TRIB1: variants seen among roughly 807,000 people sequenced by gnomAD.
TRIB1 encodes the protein tribbles homolog 1.
TRIB1 carries 12 observed loss-of-function variants against 27.8 expected under a neutral mutation model. The ratio of observed to expected loss-of-function variants is 0.43; its 90% CI spans 0.28 to 0.70. TRIB1 has a LOEUF of 0.70. TRIB1 is among the 30% of genes least tolerant of loss of function. The pLI, the probability that TRIB1 is intolerant of heterozygous loss-of-function variation, is 0.18. For synonymous variants in TRIB1, 230 were observed against 224.9 expected (o/e 1.02, Z -0.20); for missense variants, 475 against 515.8 (o/e 0.92, Z 0.77).
rs1814744285 is a variant in TRIB1, at chr8:125,436,164, G to A, written c.812G>A (p.Gly271Glu). 2 of 1,613,824 alleles carry A rather than the reference G, an allele frequency of 1.2e-6. No homozygotes were observed. ...AAGGCTGCGGACGTTTGGAGCCTGG[G>A]GGTGATGCTCTACACCCTTCTGGTT... ...SGKAADVWSL[G>E]VMLYTLLVGR... The change falls in exon 3 of 3, where the codon GGG becomes GAG. Residue 271 changes from glycine (G) to glutamate (E), a missense_variant. Physicochemically the swap from Gly to Glu is moderately conservative, Grantham distance 98. Coordinates refer to ENST00000311922, the MANE Select transcript of TRIB1 (RefSeq NM_025195.4).
intron 2 of TRIB1, among the ~76,000 whole-genome samples, chr8:125,434,661 T>G (rs1814718729): frequency 6.6e-6 from 1 of 152,214 alleles, no homozygotes; most frequent in African/African-American, 2.4e-5. Context: ...TACTAGCTTT[T>G]GAAATCTGCA....
In TRIB1 at chr8:125,430,371, GTCAC is replaced by G. The variant is rs1814631693; in HGVS notation, c.-529_-526del. 6.5e-6 allele frequency: 1 copy of G among 153,152 alleles called. No homozygotes were observed. The highest frequency in any genetic ancestry group is 6.5e-5 in the Admixed American group (1 of 15,284). 9.5% of individuals were successfully genotyped at this position (153,152 alleles called of 1,614,324 possible). A position where few individuals can be genotyped will look rare whatever the true frequency, so the allele number is the denominator to read the frequency against. On this transcript the variant is annotated 5_prime_UTR_variant, in exon 1 of 3. Transcript: ENST00000311922. Reference sequence around the variant, plus strand: ...GGTGCAGCGCTCACACTCACTCACAGTCACTCTCTCTGAGCGCGTCTCGCTCGCT... The same window carrying G: ...GGTGCAGCGCTCACACTCACTCACAGTCTCTCTGAGCGCGTCTCGCTCGCT...
Position 125,431,071 on chromosome 8 carries a change from C to T in TRIB1, c.169C>T (p.Pro57Ser). 4 of 1,431,276 alleles carry T rather than the reference C, an allele frequency of 2.8e-6. No individual in the cohort carries two copies. Among genetic ancestry groups the T allele is most frequent in the Non-Finnish European group, 1.8e-6 (2 of 1,099,250 alleles). 88.7% of individuals were successfully genotyped at this position (1,431,276 alleles called of 1,614,324 possible). A position where few individuals can be genotyped will look rare whatever the true frequency, so the allele number is the denominator to read the frequency against. ...CPRLSECSSP[P>S]DYLSPPGSPC... ...GCGCCTCTCCGAGTGCTCCAGCCCC[C>T]CGGACTACCTCAGCCCCCCCGGCTC... Residue 57 changes from proline to serine, a missense_variant, in exon 1 of 3, where the codon CCG (proline) becomes TCG (serine). Pro to Ser is a moderately conservative substitution (Grantham distance 74, BLOSUM62 -1). Coordinates refer to ENST00000311922, the MANE Select transcript of TRIB1 (RefSeq NM_025195.4).
chr8:125,433,790 T>C lies in TRIB1; in HGVS notation c.653+181T>C. 1.4e-6 allele frequency: 1 copy of C among 704,064 alleles called. No homozygotes were observed. The highest frequency in any genetic ancestry group is 2.9e-5 in the Admixed American group (1 of 33,936). The allele number at this position is 704,064 out of a possible 1,614,324, so 43.6% of individuals were successfully genotyped here. The stretch of plus-strand genomic sequence containing the variant: ...CAAGGTTGGTTTATTCTGCATTCTC[T>C]TGGACGGGGCCTGGGGACACCGTGG... On this transcript the variant is annotated intron_variant, in intron 2 of 2. Coordinates refer to ENST00000311922, the MANE Select transcript of TRIB1 (RefSeq NM_025195.4). This position sits in a 1 kb window ranked among gnomAD's most constrained non-coding sequence, Gnocchi z 4.4.
intron 1 of TRIB1, chr8:125,432,392 T>C: frequency 1.3e-6 from 1 of 795,670 alleles, no homozygotes; most frequent in Non-Finnish European, 1.5e-6. Context: ...TTTTTCTAGC[T>C]GGTGCCAGAG....
Position 125,437,294 on chromosome 8 carries a change from TA to T in TRIB1, c.*824del, listed in dbSNP as rs1337071902. The T allele has an allele frequency of 6.6e-6, 1 of 152,372 alleles. No homozygotes were observed. The highest frequency in any genetic ancestry group is 2.4e-5 in the African/African-American group (1 of 41,460). The allele number at this position is 152,372 out of a possible 1,614,324, so 9.4% of individuals were successfully genotyped here. A position where few individuals can be genotyped will look rare whatever the true frequency, so the allele number is the denominator to read the frequency against. ...ATTAGCTTTTTAAGTTCCTTCCAAA[TA>T]TGTTAGTACCTACCCTTTACTTTTT... On this transcript the variant is annotated 3_prime_UTR_variant, in exon 3 of 3. Coordinates refer to ENST00000311922, the MANE Select transcript of TRIB1 (RefSeq NM_025195.4).
At chr8:125,434,753 G>T (rs1726946300) in intron 2 of TRIB1, among the ~76,000 whole-genome samples, 1 of 152,206 alleles carries the variant, frequency 6.6e-6, no homozygotes, top group African/African-American at 2.4e-5. Context: ...CGTGTAACCA[G>T]CACAGGTGCA....
In TRIB1 at chr8:125,433,685, T is replaced by C. The variant is rs1814702415; in HGVS notation, c.653+76T>C. On this transcript the variant is annotated intron_variant, in intron 2 of 2. Coordinates refer to ENST00000311922, the MANE Select transcript of TRIB1 (RefSeq NM_025195.4). This position sits in a 1 kb window ranked among gnomAD's most constrained non-coding sequence, Gnocchi z 4.4. ...GTGCAGGTCATGTAGTTAGGTGCTG[T>C]GTGTTGGTGCAAAACAAAGTCAAGG... 5 of 1,521,598 alleles carry C rather than the reference T, an allele frequency of 3.3e-6. No homozygotes were observed. The South Asian group carries it at 6.1e-5, about 19-fold the overall frequency. The allele number at this position is 1,521,598 out of a possible 1,614,324, so 94.3% of individuals were successfully genotyped here.
chr8:125,431,613 C>G (rs1380067242), intron 1 of TRIB1, among the ~76,000 whole-genome samples: 6 of 152,232 alleles, frequency 3.9e-5, no homozygotes, highest in African/African-American at 7.2e-5. Context: ...TCCACCCCCC[C>G]TCCCCCGCCA....
chr8:125,432,659 C>G (rs1419627237), intron 1 of TRIB1, among the ~76,000 whole-genome samples: 1 of 151,728 alleles, frequency 6.6e-6, no homozygotes, highest in Non-Finnish European at 1.5e-5. Context: ...AAAACCCATT[C>G]GCAGGATTCC....
Position 125,433,691 on chromosome 8 carries a change from G to A in TRIB1, c.653+82G>A. ...GTCATGTAGTTAGGTGCTGTGTGTT[G>A]GTGCAAAACAAAGTCAAGGGCTCAT... On this transcript the variant is annotated intron_variant, in intron 2 of 2. Coordinates refer to ENST00000311922, the MANE Select transcript of TRIB1 (RefSeq NM_025195.4). This position sits in a 1 kb window ranked among gnomAD's most constrained non-coding sequence, Gnocchi z 4.4. 4.0e-6 allele frequency: 6 copies of A among 1,496,290 alleles called. No homozygotes were observed. Among genetic ancestry groups the A allele is most frequent in the South Asian group, 1.3e-5 (1 of 79,080 alleles). The allele number at this position is 1,496,290 out of a possible 1,614,324, so 92.7% of individuals were successfully genotyped here.
rs958691421 is a variant in TRIB1 at position 125,433,258 on chromosome 8, G to A, written c.361-59G>A. On this transcript the variant is annotated intron_variant, in intron 1 of 2. Transcript: ENST00000311922. This position sits in a 1 kb window ranked among gnomAD's most constrained non-coding sequence, Gnocchi z 4.4. ...GAACTTCTGTTCAGCTCCCTCAGGG[G>A]TTTGGGAGGCTGCCTTTGCTTTTCT... 1.4e-5 allele frequency: 22 copies of A among 1,554,472 alleles called. No homozygotes were observed. In the African/African-American group the frequency reaches 2.6e-4, roughly 18 times the overall value.
rs1814640601 is a variant in TRIB1, at chr8:125,430,800, C to T, written c.-103C>T. On this transcript the variant is annotated 5_prime_UTR_variant, in exon 1 of 3. Coordinates refer to ENST00000311922, the MANE Select transcript of TRIB1 (RefSeq NM_025195.4). ...GCCAAGACCAGTCTGCAAACTCCATCCCGCCGGCTGGAAGAAGTCGCGGAG... is the reference window on the plus strand; with the variant it reads ...GCCAAGACCAGTCTGCAAACTCCATTCCGCCGGCTGGAAGAAGTCGCGGAG... The T allele has an allele frequency of 7.6e-7, 1 of 1,322,606 alleles. No homozygotes were observed. Among genetic ancestry groups the T allele is most frequent in the South Asian group, 1.9e-5 (1 of 53,658 alleles). The allele number at this position is 1,322,606 out of a possible 1,614,324, so 81.9% of individuals were successfully genotyped here.
At chr8:125,434,543 G>T (rs1586848801) in intron 2 of TRIB1, among the ~76,000 whole-genome samples, 1 of 152,206 alleles carries the variant, frequency 6.6e-6, no homozygotes, top group Non-Finnish European at 1.5e-5. Context: ...GGAACACACT[G>T]ATTAGCAAAG....
rs764695672 is a variant in TRIB1, at chr8:125,436,090, A to C, written c.738A>C (p.Pro246=). 15 of 1,614,164 alleles carry C rather than the reference A, an allele frequency of 9.3e-6. No homozygotes were observed. Among genetic ancestry groups the C allele is most frequent in the Non-Finnish European group, 1.3e-5 (15 of 1,180,026 alleles). ...CTTTGTCAGACAAACATGGCTGCCC[A>C]GCCTACGTGAGCCCTGAGATCCTCA... ...DDALSDKHGC[P]AYVSPEILNT... Residue 246 remains proline, a synonymous_variant, in exon 3 of 3, where the codon CCA becomes CCC. Coordinates refer to ENST00000311922, the MANE Select transcript of TRIB1 (RefSeq NM_025195.4).
In TRIB1 at chr8:125,436,060, T is replaced by C. The variant is rs775687836; in HGVS notation, c.708T>C (p.Asp236=). Reference sequence around the variant, plus strand: ...ACACACACATAATGAAGGGGGAAGATGATGCTTTGTCAGACAAACATGGCT... The same window carrying C: ...ACACACACATAATGAAGGGGGAAGACGATGCTTTGTCAGACAAACATGGCT... ...LEDTHIMKGE[D]DALSDKHGCP... The change falls in exon 3 of 3, where the codon GAT becomes GAC. Residue 236 remains aspartate, a synonymous_variant. Transcript: ENST00000311922. The C allele has an allele frequency of 2.5e-6, 4 of 1,614,104 alleles. No individual in the cohort carries two copies. The highest frequency in any genetic ancestry group is 1.7e-6 in the Non-Finnish European group (2 of 1,180,028).
In TRIB1 at chr8:125,436,595, C is replaced by A. The variant is rs1039614742; in HGVS notation, c.*124C>A. The A allele has an allele frequency of 3.4e-6, 3 of 885,950 alleles. No homozygotes were observed. The highest frequency in any genetic ancestry group is 1.7e-5 in the African/African-American group (1 of 59,208). The allele number at this position is 885,950 out of a possible 1,614,324, so 54.9% of individuals were successfully genotyped here. ...GCATCAGGATGAAAGCTGCTGAACTCGGCATGGCGCCTCCTCTTCTCTGTT... is the reference window on the plus strand; with the variant it reads ...GCATCAGGATGAAAGCTGCTGAACTAGGCATGGCGCCTCCTCTTCTCTGTT... On this transcript the variant is annotated 3_prime_UTR_variant, in exon 3 of 3. Transcript: ENST00000311922.
intron 1 of TRIB1, among the ~76,000 whole-genome samples, chr8:125,432,617 G>A (rs907896303): frequency 9.2e-5 from 14 of 152,108 alleles, no homozygotes; most frequent in Admixed American, 5.9e-4. Context: ...CTAGGGGTGG[G>A]GTCGGGTGTG....
At position 125,430,602 on chromosome 8, in the gene TRIB1, C is replaced by T; in HGVS notation, c.-301C>T. 1 of 304,634 alleles carries T rather than the reference C, an allele frequency of 3.3e-6. No homozygotes were observed. Among genetic ancestry groups the T allele is most frequent in the Non-Finnish European group, 6.1e-6 (1 of 164,320 alleles). The allele number at this position is 304,634 out of a possible 1,614,324, so 18.9% of individuals were successfully genotyped here. A position where few individuals can be genotyped will look rare whatever the true frequency, so the allele number is the denominator to read the frequency against. On this transcript the variant is annotated 5_prime_UTR_variant, in exon 1 of 3. Coordinates refer to ENST00000311922, the MANE Select transcript of TRIB1 (RefSeq NM_025195.4). ...CCGCCTCTGCCTCCCGGACTATCGG[C>T]AGCCTCGGCAACAATAGTGGCGGCC... is the stretch of plus-strand genomic sequence containing the variant.
Sources: gnomAD v4.1 joint callset for allele counts (sites outside exome capture counted in the v4.1 genomes callset) on GRCh38, gnomAD v4.1.1 for gene constraint, Gnocchi (gnomAD v3.1) non-coding constraint, MANE v1.5 for transcripts, NCBI Gene and HGNC (gene_info 2026-07-23, HGNC 2026-07-21) for gene names.